The following CTNNA3 variants were observed in gnomAD, a reference collection of about 807,000 sequenced individuals.
CTNNA3 encodes the protein catenin alpha 3.
Under a neutral mutation model 95.7 loss-of-function variants are expected in CTNNA3, and 76 were observed. The observed-to-expected ratio is 0.79, with a 90% confidence interval of 0.66 to 0.96. CTNNA3 has a LOEUF of 0.96. Among genes scored for constraint, CTNNA3 ranks in the 40% least tolerant of loss-of-function variants. The probability of loss-of-function intolerance (pLI) is 0.00; values close to 1 mark genes in which losing one functional copy is unlikely to be tolerated. For synonymous variants in CTNNA3, 431 were observed against 374.4 expected (o/e 1.15, Z -1.74); for missense variants, 1,191 against 1,089.8 (o/e 1.09, Z -1.31).
In CTNNA3 at chr10:67,528,846, C is replaced by T. The variant is rs79564545; in HGVS notation, c.460-6885G>A. Among the ~76,000 whole-genome samples, 133 of 152,194 alleles carry T rather than the reference C, an allele frequency of 8.7e-4. 1 individual carries two copies. The East Asian group carries it at 0.021, about 24-fold the overall frequency. ...CAAATCAGAGATAACTGGAAAGATG[C>T]TGATTCCTTCTTAAAAAATGAAAAT... is the stretch of plus-strand genomic sequence containing the variant. On this transcript the variant is annotated intron_variant, in intron 4 of 17. Transcript: ENST00000433211.
chr10:66,553,963 CATT>C (rs1186348943), intron 10 of CTNNA3, among the ~76,000 whole-genome samples: 3 of 152,026 alleles, frequency 2.0e-5, no homozygotes, highest in African/African-American at 7.2e-5. Context: ...TTTGGCAAAA[CATT>C]ATTATTATTT....
At chr10:66,061,126 G>C (rs905760572) in intron 15 of CTNNA3, among the ~76,000 whole-genome samples, 4 of 152,034 alleles carry the variant, frequency 2.6e-5, no homozygotes, top group African/African-American at 9.7e-5. Flanking sequence ...TGTAGGAATG[G>C]CCCTTCACCA....
At chr10:67,643,183 G>T (rs1465215278) in intron 2 of CTNNA3, among the ~76,000 whole-genome samples, 1 of 152,148 alleles carries the variant, frequency 6.6e-6, no homozygotes, top group African/African-American at 2.4e-5. Context: ...GACATGGATG[G>T]AGTTGGAAGT....
intron 7 of CTNNA3, among the ~76,000 whole-genome samples, chr10:67,016,096 A>G (rs1453752530): frequency 1.3e-5 from 2 of 152,070 alleles, no homozygotes; most frequent in Non-Finnish European, 2.9e-5. Context: ...GTTGTGATAT[A>G]CACTTGTGTC....
At chr10:67,273,745 A>G (rs1839073508) in intron 5 of CTNNA3, among the ~76,000 whole-genome samples, 1 of 152,204 alleles carries the variant, frequency 6.6e-6, no homozygotes, top group African/African-American at 2.4e-5. Flanking sequence ...GAAACAAACT[A>G]CTGGTATATA....
intron 10 of CTNNA3, among the ~76,000 whole-genome samples, chr10:66,569,196 G>T (rs1842795754): frequency 6.6e-6 from 1 of 152,046 alleles, no homozygotes; most frequent in African/African-American, 2.4e-5. Context: ...ACCATAGGAG[G>T]AGAGAAAGGG....
At chr10:67,656,658 C>A (rs539008944) in intron 1 of CTNNA3, among the ~76,000 whole-genome samples, 1 of 151,870 alleles carries the variant, frequency 6.6e-6, no homozygotes, top group Non-Finnish European at 1.5e-5. Flanking sequence ...TCAAGACTAG[C>A]CTCATTGAGA....
intron 5 of CTNNA3, among the ~76,000 whole-genome samples, chr10:67,382,248 A>T (rs879298842): frequency 3.3e-5 from 5 of 152,208 alleles, no homozygotes; most frequent in Non-Finnish European, 7.3e-5. Context: ...TAAGCAAAGG[A>T]TGCCTACCAG....
chr10:66,499,211 A>G (rs948366584), intron 11 of CTNNA3, among the ~76,000 whole-genome samples: 2 of 152,184 alleles, frequency 1.3e-5, no homozygotes, highest in Non-Finnish European at 2.9e-5. Flanking sequence ...TTGCCACCAA[A>G]ACCATATATA....
chr10:67,370,842 T>G (rs1441439661), intron 5 of CTNNA3, among the ~76,000 whole-genome samples: 1 of 151,664 alleles, frequency 6.6e-6, no homozygotes, highest in Admixed American at 6.6e-5. Context: ...AATATAATCC[T>G]ATACATGTTA....
chr10:67,284,012 C>T lies in CTNNA3; in HGVS notation c.580-64142G>A, dbSNP rs117416346. 9.4e-4 allele frequency among the ~76,000 whole-genome samples: 143 copies of T among 152,244 alleles called. No individual in the cohort carries two copies. In the East Asian group the frequency reaches 0.022, roughly 23 times the overall value. On this transcript the variant is annotated intron_variant, in intron 5 of 17. Transcript: ENST00000433211. ...TTCTCCTATTAATCAATCTGCCTCACGTTAGTGATTTTTCAGCAAACCTTC... is the reference window on the plus strand; with the variant it reads ...TTCTCCTATTAATCAATCTGCCTCATGTTAGTGATTTTTCAGCAAACCTTC...
In CTNNA3 at chr10:66,815,458, A is replaced by G. The variant is rs935696476; in HGVS notation, c.1048-39934T>C. ...AAAGCCCCATTCCTCAAGAACTATTATTGTTTGACTTGTCTGGTGGTTCTT... is the reference window on the plus strand; with the variant it reads ...AAAGCCCCATTCCTCAAGAACTATTGTTGTTTGACTTGTCTGGTGGTTCTT... On this transcript the variant is annotated intron_variant, in intron 7 of 17. Transcript: ENST00000433211. Among the ~76,000 whole-genome samples, 12 of 152,196 alleles carry G rather than the reference A, an allele frequency of 7.9e-5. No individual in the cohort carries two copies. The South Asian group carries it at 2.5e-3, about 32-fold the overall frequency.
At position 67,130,851 on chromosome 10, in the gene CTNNA3, A is replaced by G. The variant is rs138585114; in HGVS notation, c.1047+49466T>C. On this transcript the variant is annotated intron_variant, in intron 7 of 17. Coordinates refer to ENST00000433211, the MANE Select transcript of CTNNA3 (RefSeq NM_013266.4). The stretch of plus-strand genomic sequence containing the variant: ...TACAAATGGAAGCACTGACAGTAAT[A>G]CAGACATTGGATACCCTTTCTTCCT... 5.2e-3 allele frequency among the ~76,000 whole-genome samples: 784 copies of G among 152,192 alleles called. 6 individuals carry two copies. Among genetic ancestry groups the G allele is most frequent in the African/African-American group, 0.018 (733 of 41,542 alleles).
At chr10:66,105,854 T>C (rs556217655) in intron 13 of CTNNA3, among the ~76,000 whole-genome samples, 11 of 152,276 alleles carry the variant, frequency 7.2e-5, no homozygotes, top group African/African-American at 2.4e-4. Flanking sequence ...AATGCTACAG[T>C]TTAAGTGGAA....
At chr10:66,303,495 T>TA (rs35890240) in intron 12 of CTNNA3, among the ~76,000 whole-genome samples, 32,669 of 151,882 alleles carry the variant, frequency 0.22, 3,686 homozygotes, top group Admixed American at 0.28. Context: ...TCATTATGGG[T>TA]AAAAAAACTT....
At chr10:66,563,423 C>A (rs1035217911) in intron 10 of CTNNA3, among the ~76,000 whole-genome samples, 1 of 151,984 alleles carries the variant, frequency 6.6e-6, no homozygotes, top group South Asian at 2.1e-4. Context: ...TGAAAATATG[C>A]TGTCATTTTG....
At position 67,336,110 on chromosome 10, in the gene CTNNA3, C is replaced by A. The variant is rs369486236; in HGVS notation, c.580-116240G>T. Among the ~76,000 whole-genome samples, 35 of 152,234 alleles carry A rather than the reference C, an allele frequency of 2.3e-4. No individual in the cohort carries two copies. The South Asian group carries it at 6.6e-3, about 29-fold the overall frequency. Reference sequence around the variant, plus strand: ...AACAGCACCCATAAAAGAAAGTGAACTTAATTACTCAATGTTTTATGTGTT... The same window carrying A: ...AACAGCACCCATAAAAGAAAGTGAAATTAATTACTCAATGTTTTATGTGTT... On this transcript the variant is annotated intron_variant, in intron 5 of 17. Coordinates refer to ENST00000433211, the MANE Select transcript of CTNNA3 (RefSeq NM_013266.4).
In CTNNA3 at chr10:66,685,825, G is replaced by T. The variant is rs551255656; in HGVS notation, c.1282-64041C>A. On this transcript the variant is annotated intron_variant, in intron 9 of 17. Transcript: ENST00000433211. Reference sequence around the variant, plus strand: ...GAGGGCTAGAAGCCACGACACTTAGGTTTGTCTCCTCATCTTGGCACTTTC... The same window carrying T: ...GAGGGCTAGAAGCCACGACACTTAGTTTTGTCTCCTCATCTTGGCACTTTC... Among the ~76,000 whole-genome samples, 689 of 152,108 alleles carry T rather than the reference G, an allele frequency of 4.5e-3. 6 individuals carry two copies. The highest frequency in any genetic ancestry group is 0.016 in the African/African-American group (656 of 41,492).
chr10:65,970,791 G>A, intron 16 of CTNNA3, among the ~76,000 whole-genome samples: 1 of 150,324 alleles, frequency 6.7e-6, no homozygotes, highest in African/African-American at 2.4e-5. Flanking sequence ...GGTATTACAT[G>A]ATGATAAAGG....
Sources: gnomAD v4.1 joint callset for allele counts (sites outside exome capture counted in the v4.1 genomes callset) on GRCh38, gnomAD v4.1.1 for gene constraint, MANE v1.5 for transcripts, NCBI Gene and HGNC (gene_info 2026-07-23, HGNC 2026-07-21) for gene names.